DEK: variants seen among roughly 807,000 people sequenced by gnomAD.
DEK encodes DEK proto-oncogene.
In DEK, 28 loss-of-function variants were observed where a neutral mutation model predicts 46.8. The ratio of observed to expected loss-of-function variants is 0.60; its 90% confidence interval spans 0.44 to 0.82. The LOEUF (loss-of-function observed/expected upper bound fraction) is 0.82. Ranked by LOEUF, DEK falls within the 40% of genes least tolerant of loss-of-function variation. The pLI is 0.00. For missense variants in DEK, 416 were observed against 430.6 expected, an observed-to-expected ratio of 0.97 and a Z score of 0.30; for synonymous variants, 160 against 144.5, an observed-to-expected ratio of 1.11 and a Z score of -0.77.
rs1408373804 is a variant in DEK at position 18,252,235 on chromosome 6, C to CAT, written c.574-2398_574-2397dup. On this transcript the variant is annotated intron_variant, in intron 6 of 10. Coordinates refer to ENST00000652689, the MANE Select transcript of DEK (RefSeq NM_003472.4). ...GCATAGAAAATAGCTCTAGGCCAGA[C>CAT]ATAGTGGCTCATGCCTGTAATCCCA... Among the ~76,000 whole-genome samples, 15 of 152,212 alleles carry CAT rather than the reference C, an allele frequency of 9.9e-5. No homozygotes were observed. In the East Asian group the frequency reaches 2.9e-3, roughly 29 times the overall value.
At chr6:18,264,067 AATG>A (rs1791998851) in intron 1 of DEK, 71 bp from the exon 2 acceptor site, 1 of 1,411,362 alleles carries the variant, frequency 7.1e-7, no homozygotes, top group African/African-American at 1.4e-5. Flanking sequence ...GGCCACCCTG[AATG>A]ATGCTACCCT....
chr6:18,257,745 A>G (rs1791663135), intron 4 of DEK, among the ~76,000 whole-genome samples: 1 of 152,064 alleles, frequency 6.6e-6, no homozygotes, highest in Non-Finnish European at 1.5e-5. Context: ...GAAAAAGAAA[A>G]AGAAAAAAGA....
At position 18,263,847 on chromosome 6, in the gene DEK, TTCCTCC is replaced by T. The variant is rs539995106; in HGVS notation, c.135_140del (p.Glu46_Glu47del). On this transcript the variant is annotated inframe_deletion, in exon 2 of 11. Transcript: ENST00000652689. The stretch of plus-strand genomic sequence containing the variant: ...TTGGGATGCGACTCCCCCCACCTTT[TTCCTCC>T]TCCTCCTCCTCCTCGTCGTCCTCGT... The T allele has an allele frequency of 3.7e-5, 60 of 1,611,480 alleles. 1 individual carries two copies. Among genetic ancestry groups the T allele is most frequent in the South Asian group, 1.8e-4 (16 of 90,702 alleles).
intron 6 of DEK, among the ~76,000 whole-genome samples, chr6:18,251,261 C>T (rs528394390): frequency 9.9e-5 from 15 of 152,176 alleles, no homozygotes; most frequent in African/African-American, 2.9e-4. Context: ...GGTAAAATTC[C>T]ATAACATAAC....
At chr6:18,236,270 A>G (rs766104501) in intron 9 of DEK, among the ~76,000 whole-genome samples, 182 bp downstream of exon 9, 3 of 152,218 alleles carry the variant, frequency 2.0e-5, no homozygotes, top group Non-Finnish European at 4.4e-5. Flanking sequence ...TAACTCTATT[A>G]GGACAGAGAC....
intron 6 of DEK, among the ~76,000 whole-genome samples, chr6:18,251,392 A>C (rs1056804584): frequency 1.3e-5 from 2 of 152,164 alleles, no homozygotes; most frequent in Non-Finnish European, 2.9e-5. Context: ...ACTGTCACCT[A>C]CACAAAAATT....
Position 18,258,216 on chromosome 6 carries a change from T to C in DEK, c.247+88A>G, listed in dbSNP as rs79737953. On this transcript the variant is annotated intron_variant, in intron 3 of 10. Transcript: ENST00000652689. ...AAATTATACCAAAAGTATAAAACAC[T>C]ACCTTGCTGATACTAAGCTACAAAC... The C allele has an allele frequency of 6.9e-3, 8,257 of 1,204,742 alleles. 414 individuals carry two copies. In the African/African-American group the frequency reaches 0.1, roughly 15 times the overall value. The allele number at this position is 1,204,742 out of a possible 1,614,324, so 74.6% of individuals were successfully genotyped here.
At chr6:18,254,051 C>A (rs1326088947) in intron 6 of DEK, among the ~76,000 whole-genome samples, 5 of 152,132 alleles carry the variant, frequency 3.3e-5, no homozygotes, top group Admixed American at 3.3e-4. Flanking sequence ...CTGAATGCGG[C>A]CAGGCACGGT....
At chr6:18,250,233 GC>G (rs1561986685) in intron 6 of DEK, among the ~76,000 whole-genome samples, 1 of 152,012 alleles carries the variant, frequency 6.6e-6, no homozygotes, top group African/African-American at 2.4e-5. Context: ...ACTTTGGGAC[GC>G]CGAGGCGGGC....
chr6:18,244,308 T>A (rs1289508174), intron 7 of DEK, among the ~76,000 whole-genome samples: 1 of 152,166 alleles, frequency 6.6e-6, no homozygotes, highest in Admixed American at 6.5e-5. Flanking sequence ...GGGGAACAAA[T>A]AAAAATGAAC....
At chr6:18,229,438 G>A (rs918507251) in intron 9 of DEK, among the ~76,000 whole-genome samples, 1 of 152,188 alleles carries the variant, frequency 6.6e-6, no homozygotes, top group Non-Finnish European at 1.5e-5. Context: ...CCAAGCTAAA[G>A]GAGGATGTTC....
At chr6:18,250,375 A>T (rs1005770514) in intron 6 of DEK, among the ~76,000 whole-genome samples, 1 of 152,038 alleles carries the variant, frequency 6.6e-6, no homozygotes, top group Non-Finnish European at 1.5e-5. Flanking sequence ...AGGCTGAGGC[A>T]GGAGAAAGGC....
intron 7 of DEK, among the ~76,000 whole-genome samples, chr6:18,237,971 G>A (rs780141125): frequency 2.0e-5 from 3 of 148,284 alleles, no homozygotes; most frequent in Admixed American, 6.8e-5. Context: ...GGGTTCAAGC[G>A]AATTCTCCTG....
chr6:18,225,753 T>C (rs758760447), intron 10 of DEK, 23 bp from the exon 11 acceptor site: 9 of 1,612,842 alleles, frequency 5.6e-6, no homozygotes, highest in Non-Finnish European at 7.6e-6. Context: ...AGAAACATTA[T>C]TTTGCCATAA....
intron 6 of DEK, among the ~76,000 whole-genome samples, chr6:18,250,340 G>A (rs746232603): frequency 1.5e-4 from 23 of 152,074 alleles, no homozygotes; most frequent in Non-Finnish European, 3.1e-4. Context: ...GTGGTGGCGG[G>A]CGCCTGTAGC....
At position 18,249,704 on chromosome 6, in the gene DEK, T is replaced by C; in HGVS notation, c.709A>G (p.Lys237Glu). 2 of 1,605,880 alleles carry C rather than the reference T, an allele frequency of 1.2e-6. No homozygotes were observed. The highest frequency in any genetic ancestry group is 1.7e-6 in the Non-Finnish European group (2 of 1,177,940). Residue 237 changes from lysine to glutamate, a missense_variant, in exon 7 of 11, where the codon AAG (lysine) becomes GAG (glutamate). By Grantham distance (56) the Lys-to-Glu change is moderately conservative. Transcript: ENST00000652689. The part of the protein sequence containing the change: ...SDESSSDEDE[K>E]KNKEESSDDE... ...TCTGAAGACTCTTCCTTGTTTTTCT[T>C]TTCATCTTCATCACTACTAGATTCA... is the stretch of plus-strand genomic sequence containing the variant.
At chr6:18,244,480 A>T in intron 7 of DEK, 1 of 1,247,406 alleles carries the variant, frequency 8.0e-7, no homozygotes, top group Non-Finnish European at 1.0e-6. Context: ...AAGGAAGGCA[A>T]AAAAAATCTT....
intron 7 of DEK, among the ~76,000 whole-genome samples, chr6:18,241,594 G>C (rs1582270742): frequency 6.6e-6 from 1 of 152,262 alleles, no homozygotes; most frequent in East Asian, 1.9e-4. Context: ...CTGAGCACCT[G>C]TATATGTTTT....
chr6:18,234,192 T>TG (rs554373120), intron 9 of DEK, among the ~76,000 whole-genome samples: 913 of 6,342 alleles, frequency 0.14, 45 homozygotes, highest in Admixed American at 0.44. Context: ...TGTTGTGGGG[T>TG]GGGGGGGACG....
Sources: allele counts gnomAD v4.1 joint callset (sites outside exome capture counted in the v4.1 genomes callset), GRCh38; gene constraint gnomAD v4.1.1; transcripts MANE v1.5; gene names NCBI Gene and HGNC (gene_info 2026-07-23, HGNC 2026-07-21).